The following TACR1 variants were observed in gnomAD, a reference collection of about 807,000 sequenced individuals.
The protein encoded by TACR1 is substance-P receptor.
In TACR1, 25 loss-of-function variants were observed where a neutral mutation model predicts 35.8. That is an observed-to-expected ratio of 0.70 (90% CI 0.51 to 0.98). The LOEUF (loss-of-function observed/expected upper bound fraction) is 0.98. TACR1 is among the 50% of genes least tolerant of loss of function. The pLI is 0.00. For synonymous variants in TACR1, 195 were observed against 206.7 expected, an observed-to-expected ratio of 0.94 and a Z score of 0.48; for missense variants, 478 against 522.9, an observed-to-expected ratio of 0.91 and a Z score of 0.84.
chr2:75,127,388 A>G (rs1188350938), intron 1 of TACR1, among the ~76,000 whole-genome samples: 1 of 152,206 alleles, frequency 6.6e-6, no homozygotes, highest in Admixed American at 6.5e-5. Flanking sequence ...ATTATTGTTT[A>G]TTAATATTAG....
rs534789835 is a variant in TACR1, at chr2:75,163,088, C to T, written c.389+35458G>A. On this transcript the variant is annotated intron_variant, in intron 1 of 4. Coordinates refer to ENST00000305249, the MANE Select transcript of TACR1 (RefSeq NM_001058.4). ...AAGAGCTGACATGACACTTCCACTT[C>T]CCTCTTACCCAGTCATGGCAAACTT... 3.3e-5 allele frequency among the ~76,000 whole-genome samples: 5 copies of T among 152,318 alleles called. No individual in the cohort carries two copies. In the South Asian group the frequency reaches 1.0e-3, roughly 32 times the overall value.
chr2:75,073,511 C>T (rs1002536370), intron 2 of TACR1, among the ~76,000 whole-genome samples: 5 of 152,148 alleles, frequency 3.3e-5, no homozygotes, highest in African/African-American at 1.2e-4. Context: ...CTGGTTTGAG[C>T]CCTGTAACTA....
intron 2 of TACR1, among the ~76,000 whole-genome samples, chr2:75,102,187 A>G (rs1380657278): frequency 6.6e-6 from 1 of 152,148 alleles, no homozygotes; most frequent in African/African-American, 2.4e-5. Flanking sequence ...CAATCTTCCA[A>G]GTACAAGATA....
intron 1 of TACR1, among the ~76,000 whole-genome samples, chr2:75,181,807 C>T (rs1173209989): frequency 6.6e-6 from 1 of 152,224 alleles, no homozygotes; most frequent in African/African-American, 2.4e-5. Context: ...AGGAGTCATG[C>T]TTCCTCCTGC....
intron 2 of TACR1, among the ~76,000 whole-genome samples, chr2:75,083,847 AG>A (rs1370920448): frequency 2.0e-5 from 3 of 152,136 alleles, no homozygotes; most frequent in African/African-American, 7.2e-5. Context: ...GGGGTTTTCT[AG>A]ATATACAATC....
intron 2 of TACR1, among the ~76,000 whole-genome samples, chr2:75,089,370 T>C (rs1421572124): frequency 6.6e-6 from 1 of 152,244 alleles, no homozygotes; most frequent in Non-Finnish European, 1.5e-5. Context: ...CTTGATCTGA[T>C]AAATGTGTGG....
At chr2:75,167,456 T>G (rs1159462141) in intron 1 of TACR1, among the ~76,000 whole-genome samples, 3 of 152,198 alleles carry the variant, frequency 2.0e-5, no homozygotes, top group African/African-American at 7.2e-5. Context: ...GATTGAAAGA[T>G]GGATCAAACA....
At position 75,048,909 on chromosome 2, in the gene TACR1, A is replaced by G. The variant is rs1435466874; in HGVS notation, c.*523T>C. On this transcript the variant is annotated 3_prime_UTR_variant, in exon 5 of 5. Coordinates refer to ENST00000305249, the MANE Select transcript of TACR1 (RefSeq NM_001058.4). ...AAGGGGAATACATATGTTTCTTTTC[A>G]CAGATGCTTAGAAGACAGGGCTAAA... 6.5e-6 allele frequency: 1 copy of G among 153,978 alleles called. No individual in the cohort carries two copies. Among genetic ancestry groups the G allele is most frequent in the African/African-American group, 2.4e-5 (1 of 41,464 alleles). The allele number at this position is 153,978 out of a possible 1,614,324, so 9.5% of individuals were successfully genotyped here.
intron 1 of TACR1, among the ~76,000 whole-genome samples, chr2:75,142,357 CAAG>C: frequency 6.6e-6 from 1 of 152,186 alleles, no homozygotes; most frequent in Non-Finnish European, 1.5e-5. Flanking sequence ...CCTCCTTTCT[CAAG>C]AAGGCAGAAG....
intron 1 of TACR1, among the ~76,000 whole-genome samples, chr2:75,134,845 A>G (rs1259049858): frequency 1.3e-5 from 2 of 152,202 alleles, no homozygotes; most frequent in African/African-American, 4.8e-5. Context: ...TCTATTAAGC[A>G]GGCAGAGATG....
chr2:75,089,898 T>C (rs1451159392), intron 2 of TACR1, among the ~76,000 whole-genome samples: 1 of 152,048 alleles, frequency 6.6e-6, no homozygotes, highest in Non-Finnish European at 1.5e-5. Flanking sequence ...AACAAACAAA[T>C]TTCTGGAAAG....
chr2:75,147,410 T>G, intron 1 of TACR1, among the ~76,000 whole-genome samples: 1 of 152,214 alleles, frequency 6.6e-6, no homozygotes, highest in East Asian at 1.9e-4. Context: ...AAAGTGTATT[T>G]TTAAAAATTT....
At chr2:75,166,298 CA>C (rs1675141956) in intron 1 of TACR1, among the ~76,000 whole-genome samples, 1 of 152,098 alleles carries the variant, frequency 6.6e-6, no homozygotes, top group Non-Finnish European at 1.5e-5. Context: ...CTTTTCTTTA[CA>C]GGATGAAAAG....
intron 1 of TACR1, among the ~76,000 whole-genome samples, chr2:75,174,819 T>C (rs761278653): frequency 6.6e-6 from 1 of 152,214 alleles, no homozygotes; most frequent in Non-Finnish European, 1.5e-5. Context: ...TCATTAAAGA[T>C]ATCTCCCTAG....
At chr2:75,118,241 C>T (rs545434288) in intron 2 of TACR1, among the ~76,000 whole-genome samples, 2 of 152,250 alleles carry the variant, frequency 1.3e-5, no homozygotes, top group Non-Finnish European at 2.9e-5. Context: ...ATGAAGGATA[C>T]TGACAAAAAG....
At chr2:75,169,197 T>G (rs1675217315) in intron 1 of TACR1, among the ~76,000 whole-genome samples, 1 of 152,180 alleles carries the variant, frequency 6.6e-6, no homozygotes, top group African/African-American at 2.4e-5. Flanking sequence ...TAATTACATA[T>G]AACAACTGAG....
At chr2:75,115,946 T>G (rs1026007666) in intron 2 of TACR1, among the ~76,000 whole-genome samples, 19 of 141,208 alleles carry the variant, frequency 1.3e-4, no homozygotes, top group Non-Finnish European at 2.2e-4. Context: ...TCTTTATGAA[T>G]AATATGGAAA....
At chr2:75,159,858 G>A (rs1674959789) in intron 1 of TACR1, among the ~76,000 whole-genome samples, 1 of 152,130 alleles carries the variant, frequency 6.6e-6, no homozygotes. Flanking sequence ...TTGAATCCTG[G>A]AGAAACTATT....
intron 1 of TACR1, 143 bp from the exon 2 acceptor site, chr2:75,120,911 C>T: frequency 1.4e-6 from 1 of 723,500 alleles, no homozygotes. Flanking sequence ...AATTCCTTTT[C>T]CATATTCTAC....
Sources: allele counts gnomAD v4.1 joint callset (sites outside exome capture counted in the v4.1 genomes callset), GRCh38; gene constraint gnomAD v4.1.1; transcripts MANE v1.5; gene names NCBI Gene and HGNC (gene_info 2026-07-23, HGNC 2026-07-21).